Variants in ZFYVE26 observed in about 807,000 individuals in gnomAD.
ZFYVE26 encodes the protein zinc finger FYVE domain-containing protein 26.
In ZFYVE26, 181 loss-of-function variants were observed where a neutral mutation model predicts 276.5. The observed-to-expected ratio is 0.65, with a 90% CI of 0.58 to 0.74. The LOEUF is 0.74. Ranked by LOEUF, ZFYVE26 falls within the 30% of genes least tolerant of loss-of-function variation. ZFYVE26 has a pLI of 0.00. For missense variants in ZFYVE26, 2,821 were observed against 3,097.9 expected, an observed-to-expected ratio of 0.91 and a Z score of 2.12; for synonymous variants, 1,129 against 1,203.1, an observed-to-expected ratio of 0.94 and a Z score of 1.27.
Position 67,785,062 on chromosome 14 carries a change from G to A in ZFYVE26, c.3520C>T (p.Pro1174Ser). 1 of 1,614,128 alleles carries A rather than the reference G, an allele frequency of 6.2e-7. No homozygotes were observed. The highest frequency in any genetic ancestry group is 1.1e-5 in the South Asian group (1 of 91,070). Residue 1174 changes from proline (P) to serine (S), a missense_variant, in exon 19 of 42, where the codon CCT becomes TCT. Physicochemically the swap from Pro to Ser is moderately conservative, Grantham distance 74. Transcript: ENST00000347230. ...AVLLQSLSSE[P>S]DHVEVKVGNP... ...TTGCCTCTTTCTTGCTACCTACCAG[G>A]CTCAGAGCTCAAACTTTGAAGGAGA... is the stretch of plus-strand genomic sequence containing the variant.
At position 67,785,121 on chromosome 14, in the gene ZFYVE26, G is replaced by T; in HGVS notation, c.3461C>A (p.Thr1154Asn). ...SGSRQMDYLG[T>N]FFSYCSTLAA... ...AAGGGTGCTGCAGTAACTGAAGAAG[G>T]TGCCCAAGTAGTCCATCTGCCTGCT... The change falls in exon 19 of 42, where the codon ACC (threonine) becomes AAC (asparagine). Residue 1154 changes from threonine to asparagine, a missense_variant. Physicochemically the swap from Thr to Asn is moderately conservative, Grantham distance 65. Transcript: ENST00000347230. 1.2e-6 allele frequency: 2 copies of T among 1,614,206 alleles called. No individual in the cohort carries two copies. The highest frequency in any genetic ancestry group is 1.7e-6 in the Non-Finnish European group (2 of 1,180,052).
At chr14:67,797,309 A>G in intron 12 of ZFYVE26, 1 of 321,596 alleles carries the variant, frequency 3.1e-6, no homozygotes, top group Non-Finnish European at 6.0e-6. Flanking sequence ...GTCCATGAAC[A>G]GGGTGTTTCT....
rs2040417183 is a variant in ZFYVE26 at position 67,816,558 on chromosome 14, G to A, written c.-108C>T. ...CCTGCTCCCGGCGCCCAAAGCAATA[G>A]AGCTCTCAGCGCAGCCATGTTTGAG... On this transcript the variant is annotated 5_prime_UTR_variant, in exon 1 of 42. Transcript: ENST00000347230. 1 of 152,480 alleles carries A rather than the reference G, an allele frequency of 6.6e-6. No homozygotes were observed. 9.4% of individuals were successfully genotyped at this position (152,480 alleles called of 1,614,324 possible).
chr14:67,805,884 C>T lies in ZFYVE26; in HGVS notation c.1018-266G>A, dbSNP rs73280420. Among the ~76,000 whole-genome samples the T allele has an allele frequency of 8.3e-3, 1,267 of 152,074 alleles. 13 individuals are homozygous for T. Among genetic ancestry groups the T allele is most frequent in the African/African-American group, 0.029 (1,220 of 41,490 alleles). On this transcript the variant is annotated intron_variant, in intron 6 of 41. Coordinates refer to ENST00000347230, the MANE Select transcript of ZFYVE26 (RefSeq NM_015346.4). ...TCTCTACTAAAAATAGAAAATTAGC[C>T]GGCATGGTGGCACATGCCTGTAATC... is the stretch of plus-strand genomic sequence containing the variant.
At chr14:67,750,995 G>A (rs753029552) in intron 41 of ZFYVE26, 57 bp downstream of exon 41, 13 of 1,606,002 alleles carry the variant, frequency 8.1e-6, no homozygotes, top group Non-Finnish European at 1.1e-5. Context: ...AGGTGACTAG[G>A]CAAGCCTGAG....
intron 38 of ZFYVE26, 98 bp downstream of exon 38, chr14:67,753,973 C>T: frequency 6.3e-7 from 1 of 1,597,590 alleles, no homozygotes; most frequent in South Asian, 1.1e-5. Context: ...AGGCAGCCAT[C>T]AAACAAACAA....
chr14:67,813,940 T>C, intron 3 of ZFYVE26, 46 bp downstream of exon 3: 1 of 1,364,426 alleles, frequency 7.3e-7, no homozygotes. Flanking sequence ...TTTCAAGTTC[T>C]TCTCAGTCCT....
rs1594867823 is a variant in ZFYVE26, at chr14:67,729,693, C to G, written n.2806G>C. The G allele has an allele frequency of 1.1e-5, 6 of 558,892 alleles. No individual in the cohort carries two copies. In the East Asian group the frequency reaches 2.4e-4, roughly 23 times the overall value. 34.6% of individuals were successfully genotyped at this position (558,892 alleles called of 1,614,324 possible). A position where few individuals can be genotyped will look rare whatever the true frequency, so the allele number is the denominator to read the frequency against. Reference sequence around the variant, plus strand: ...CCATGGAGATCTGGATCGTTTTTCTCCTTCTTTAAGCTTTTGGCTCACTTG... The same window carrying G: ...CCATGGAGATCTGGATCGTTTTTCTGCTTCTTTAAGCTTTTGGCTCACTTG... On this transcript the variant is annotated non_coding_transcript_exon_variant, in exon 14 of 15. Coordinates refer to the ZFYVE26 transcript ENST00000394455.
At chr14:67,793,288 C>T (rs531339701) in intron 14 of ZFYVE26, among the ~76,000 whole-genome samples, 2 of 152,026 alleles carry the variant, frequency 1.3e-5, no homozygotes, top group East Asian at 3.9e-4. Flanking sequence ...AGCAAACAAA[C>T]AAAAACCCAT....
At position 67,785,930 on chromosome 14, in the gene ZFYVE26, C is replaced by G. The variant is rs776725757; in HGVS notation, c.3232G>C (p.Ala1078Pro). The G allele has an allele frequency of 6.2e-7, 1 of 1,614,066 alleles. No homozygotes were observed. The highest frequency in any genetic ancestry group is 1.3e-5 in the African/African-American group (1 of 74,918). Reference protein sequence around the residue: ...CWPSLSEDCVASHTTLSQQLD... With the variant: ...CWPSLSEDCVPSHTTLSQQLD... ...TGCTGGGAGAGGGTGGTGTGGCTGG[C>G]AACACAGTCCTCGCTTAGGCTGGGC... The change falls in exon 18 of 42, where the codon GCC becomes CCC. Residue 1078 changes from alanine to proline, a missense_variant. Ala to Pro is a conservative substitution (Grantham distance 27, BLOSUM62 -1). Transcript: ENST00000347230.
At position 67,785,396 on chromosome 14, in the gene ZFYVE26, G is replaced by A. The variant is rs1215197362; in HGVS notation, c.3305-119C>T. 5 of 886,204 alleles carry A rather than the reference G, an allele frequency of 5.6e-6. No homozygotes were observed. In the East Asian group the frequency reaches 1.1e-4, roughly 19 times the overall value. The allele number at this position is 886,204 out of a possible 1,614,324, so 54.9% of individuals were successfully genotyped here. ...TATACACTGCCTGGGGCATCTGATG[G>A]CCTGGACACTACACTTACAAGGCAA... On this transcript the variant is annotated intron_variant, in intron 18 of 41. Transcript: ENST00000347230.
downstream of ZFYVE26, among the ~76,000 whole-genome samples, chr14:67,745,455 A>G (rs1468099625): frequency 6.6e-6 from 1 of 150,562 alleles, no homozygotes; most frequent in African/African-American, 2.4e-5. Flanking sequence ...TATAGAAATG[A>G]TCCCTCAAAG....
At chr14:67,815,568 GT>G in intron 2 of ZFYVE26, 1 of 631,414 alleles carries the variant, frequency 1.6e-6, no homozygotes, top group East Asian at 2.8e-5. Context: ...CTTACATTCA[GT>G]TGCAGATGAT....
chr14:67,755,329 A>G (rs2038750814), intron 36 of ZFYVE26, 79 bp from the exon 37 acceptor site: 1 of 1,515,700 alleles, frequency 6.6e-7, no homozygotes, highest in East Asian at 2.3e-5. Flanking sequence ...TTCTCATCTG[A>G]TTTCTGCCTA....
chr14:67,784,212 T>G (rs1208328880), intron 20 of ZFYVE26, 122 bp downstream of exon 20: 3 of 837,438 alleles, frequency 3.6e-6, no homozygotes, highest in Admixed American at 1.8e-5. Flanking sequence ...GAATAAAAAA[T>G]TCAGTCAGGA....
chr14:67,787,172 C>T (rs994110872), intron 16 of ZFYVE26, among the ~76,000 whole-genome samples: 12 of 151,938 alleles, frequency 7.9e-5, no homozygotes, highest in Admixed American at 7.2e-4. Context: ...GGTGAAACCC[C>T]TTCTCTACTA....
rs117938831 is a variant in ZFYVE26 at position 67,755,865 on chromosome 14, C to T, written c.6786+83G>A. ...AGCAAGGCCAGGGACCAATGACAGTCTCATTCCCTCATCGTGCACTGCCTC... is the reference window on the plus strand; with the variant it reads ...AGCAAGGCCAGGGACCAATGACAGTTTCATTCCCTCATCGTGCACTGCCTC... On this transcript the variant is annotated intron_variant, in intron 36 of 41. Transcript: ENST00000347230. The T allele has an allele frequency of 4.7e-3, 7,233 of 1,532,800 alleles. 40 individuals carry two copies. The highest frequency in any genetic ancestry group is 5.7e-3 in the Middle Eastern group (32 of 5,606). The allele number at this position is 1,532,800 out of a possible 1,614,324, so 94.9% of individuals were successfully genotyped here. A position where few individuals can be genotyped will look rare whatever the true frequency, so the allele number is the denominator to read the frequency against.
In ZFYVE26 at chr14:67,781,373, T is replaced by A. The variant is rs2039494737; in HGVS notation, c.4529A>T (p.Glu1510Val). The A allele has an allele frequency of 1.1e-5, 18 of 1,614,202 alleles. No homozygotes were observed. The highest frequency in any genetic ancestry group is 1.5e-5 in the Non-Finnish European group (18 of 1,180,044). The part of the protein sequence containing the change: ...DTAVQEGLKC[E>V]LQRKLAELQV... ...CAGCTCCGCCAGCTTCCTCTGTAGC[T>A]CACACTTTAGTCCTTCTTGGACAGC... The change falls in exon 22 of 42, where the codon GAG becomes GTG. Residue 1510 changes from glutamate to valine, a missense_variant. Physicochemically the swap from Glu to Val is moderately radical, Grantham distance 121 (BLOSUM62 -2). Coordinates refer to ENST00000347230, the MANE Select transcript of ZFYVE26 (RefSeq NM_015346.4).
rs1328235873 is a variant in ZFYVE26 at position 67,798,560 on chromosome 14, C to T, written c.1702G>A (p.Asp568Asn). ...TCCAGAAGCTCCAGGCACAGAGAGT[C>T]AGGAATACTGCACAGATACTGTTGA... ...RCQQYLCSIP[D>N]SLCLELLENI... is the part of the protein sequence containing the mutation. The change falls in exon 11 of 42, where the codon GAC becomes AAC. Residue 568 changes from aspartate (D) to asparagine (N), a missense_variant. Transcript: ENST00000347230. The T allele has an allele frequency of 6.2e-7, 1 of 1,614,054 alleles. No homozygotes were observed. The highest frequency in any genetic ancestry group is 8.5e-7 in the Non-Finnish European group (1 of 1,180,014).
Sources: allele counts gnomAD v4.1 joint callset (sites outside exome capture counted in the v4.1 genomes callset), GRCh38; gene constraint gnomAD v4.1.1; transcripts MANE v1.5; gene names NCBI Gene and HGNC (gene_info 2026-07-23, HGNC 2026-07-21).